The following MTSS1 variants were observed in gnomAD, a reference collection of about 807,000 sequenced individuals.
MTSS1 encodes the protein MTSS I-BAR domain containing 1, also known as protein MTSS 1.
Under a neutral mutation model 79.0 loss-of-function variants are expected in MTSS1, and 18 were observed. That is an observed-to-expected ratio of 0.23 (90% CI 0.16 to 0.34). The LOEUF is 0.34. MTSS1 is among the 10% of genes least tolerant of loss of function. The pLI is 1.00. For missense variants in MTSS1, 815 were observed against 986.2 expected, an observed-to-expected ratio of 0.83 and a Z score of 2.33; for synonymous variants, 341 against 368.6, an observed-to-expected ratio of 0.93 and a Z score of 0.86.
At chr8:124,611,182 C>A (rs1587263949) in intron 3 of MTSS1, among the ~76,000 whole-genome samples, 1 of 151,444 alleles carries the variant, frequency 6.6e-6, no homozygotes, top group Admixed American at 6.6e-5. Context: ...CAGGGCCCTG[C>A]CCATCAATTA....
intron 3 of MTSS1, chr8:124,698,264 G>A (rs377334441): frequency 1.3e-5 from 2 of 152,092 alleles, no homozygotes; most frequent in African/African-American, 2.4e-5. Flanking sequence ...CAGGTGGTTC[G>A]GAGAAACTTT....
rs1822767682 is a variant in MTSS1 at position 124,552,978 on chromosome 8, C to T, written c.*14G>A. ...TGAAACAGTTCATTCCCCACCGGCG[C>T]ATTTCTTGTGAACCTAAGAAAAGCG... is the stretch of plus-strand genomic sequence containing the variant. On this transcript the variant is annotated 3_prime_UTR_variant, in exon 14 of 14. Transcript: ENST00000518547. 1 of 1,606,698 alleles carries T rather than the reference C, an allele frequency of 6.2e-7. No homozygotes were observed.
At chr8:124,697,040 C>T (rs560539405) in intron 3 of MTSS1, among the ~76,000 whole-genome samples, 84 of 152,130 alleles carry the variant, frequency 5.5e-4, no homozygotes, top group Non-Finnish European at 7.2e-4. Context: ...ATTTCCAGGC[C>T]CTGCAGTGTC....
At chr8:124,573,136 G>A (rs1347702572) in intron 6 of MTSS1, among the ~76,000 whole-genome samples, 1 of 152,180 alleles carries the variant, frequency 6.6e-6, no homozygotes, top group Non-Finnish European at 1.5e-5. Flanking sequence ...AACATGGCCT[G>A]CCCTGCAAGG....
In MTSS1 at chr8:124,697,743, C is replaced by T. The variant is rs190666167; in HGVS notation, c.208+1783G>A. Among the ~76,000 whole-genome samples, 28 of 152,274 alleles carry T rather than the reference C, an allele frequency of 1.8e-4. 1 individual carries two copies. The East Asian group carries it at 5.4e-3, about 29-fold the overall frequency. ...AAGTTCTTCTCTACGGTTGTATTTTCTCAAGTTTCTATAACAGACACACAT... is the reference window on the plus strand; with the variant it reads ...AAGTTCTTCTCTACGGTTGTATTTTTTCAAGTTTCTATAACAGACACACAT... On this transcript the variant is annotated intron_variant, in intron 3 of 13. Coordinates refer to ENST00000518547, the MANE Select transcript of MTSS1 (RefSeq NM_014751.6).
At chr8:124,693,871 C>T (rs1828360379) in intron 3 of MTSS1, among the ~76,000 whole-genome samples, 1 of 151,982 alleles carries the variant, frequency 6.6e-6, no homozygotes, top group Admixed American at 6.6e-5. Flanking sequence ...AGAACCAAGG[C>T]AAGATTTTAA....
Position 124,591,335 on chromosome 8 carries a change from TA to T in MTSS1, c.209-101del. On this transcript the variant is annotated intron_variant, in intron 3 of 13. Coordinates refer to ENST00000518547, the MANE Select transcript of MTSS1 (RefSeq NM_014751.6). ...AAACAAGTCAGATTTCACCACATTG[TA>T]AAATATAAGCCACCATCTTTAGAAG... The T allele has an allele frequency of 3.1e-6, 3 of 955,436 alleles. No homozygotes were observed. In the South Asian group the frequency reaches 4.1e-5, roughly 13 times the overall value. The allele number at this position is 955,436 out of a possible 1,614,324, so 59.2% of individuals were successfully genotyped here. A position where few individuals can be genotyped will look rare whatever the true frequency, so the allele number is the denominator to read the frequency against.
intron 13 of MTSS1, among the ~76,000 whole-genome samples, chr8:124,554,012 G>A (rs1163205166): frequency 6.6e-6 from 1 of 152,254 alleles, no homozygotes; most frequent in Non-Finnish European, 1.5e-5. Context: ...GGAGGAATAA[G>A]GGGGATGAAA....
chr8:124,566,486 A>G (rs1826499918), intron 8 of MTSS1, among the ~76,000 whole-genome samples: 1 of 152,216 alleles, frequency 6.6e-6, no homozygotes, highest in African/African-American at 2.4e-5. Context: ...CCAGCATGTG[A>G]TTCATCAGTT....
intron 3 of MTSS1, among the ~76,000 whole-genome samples, chr8:124,644,868 A>G (rs1460300729): frequency 1.3e-5 from 2 of 152,164 alleles, no homozygotes; most frequent in Non-Finnish European, 2.9e-5. Context: ...ATTTGTGTCC[A>G]CCCCTTAAGT....
At chr8:124,709,110 T>C (rs1285044161) in intron 1 of MTSS1, among the ~76,000 whole-genome samples, 1 of 151,964 alleles carries the variant, frequency 6.6e-6, no homozygotes, top group Non-Finnish European at 1.5e-5. Context: ...AGAAGGTAAC[T>C]AGAAAGATTG....
chr8:124,673,774 T>A (rs1824747297), intron 3 of MTSS1, among the ~76,000 whole-genome samples: 1 of 152,228 alleles, frequency 6.6e-6, no homozygotes, highest in Non-Finnish European at 1.5e-5. Flanking sequence ...TTCCTTTCTC[T>A]TTTTTAGAAG....
Position 124,669,292 on chromosome 8 carries a change from G to A in MTSS1, c.208+30234C>T, listed in dbSNP as rs556564973. 3.9e-4 allele frequency among the ~76,000 whole-genome samples: 60 copies of A among 152,338 alleles called. 1 individual carries two copies. The South Asian group carries it at 0.01, about 26-fold the overall frequency. On this transcript the variant is annotated intron_variant, in intron 3 of 13. Transcript: ENST00000518547. ...GCACAGCCTGAGAAACTGTGTAGGT[G>A]TCCACCGTCTCGCTCCGCTGAGATA...
chr8:124,605,563 T>TCGCA (rs1182377360), intron 3 of MTSS1, among the ~76,000 whole-genome samples: 1 of 130,956 alleles, frequency 7.6e-6, no homozygotes, highest in Non-Finnish European at 1.6e-5. Flanking sequence ...CTCCCTGCCC[T>TCGCA]CTCGCTGCCT....
intron 3 of MTSS1, among the ~76,000 whole-genome samples, chr8:124,660,223 T>G (rs1262415186): frequency 6.6e-6 from 1 of 152,098 alleles, no homozygotes; most frequent in Admixed American, 6.6e-5. Context: ...TGAAAAAGCA[T>G]TCGGCAGCCC....
intron 2 of MTSS1, among the ~76,000 whole-genome samples, chr8:124,702,067 T>G (rs1171788924): frequency 6.6e-6 from 1 of 152,236 alleles, no homozygotes; most frequent in Non-Finnish European, 1.5e-5. Flanking sequence ...AATTTTACTT[T>G]ATATGTTTAA....
Position 124,727,629 on chromosome 8 carries a change from C to T in MTSS1, c.72+255G>A. The stretch of plus-strand genomic sequence containing the variant: ...CCCCCGAGGGAAAGAAATGGTGCCG[C>T]CCCCTGGGACAATGAGCGGGGGAGA... On this transcript the variant is annotated intron_variant, in intron 1 of 13. Coordinates refer to ENST00000518547, the MANE Select transcript of MTSS1 (RefSeq NM_014751.6). This position sits in a 1 kb window ranked among gnomAD's most constrained non-coding sequence, Gnocchi z 4.7. 4.7e-6 allele frequency: 3 copies of T among 639,284 alleles called. No homozygotes were observed. Among genetic ancestry groups the T allele is most frequent in the Non-Finnish European group, 8.7e-6 (3 of 344,468 alleles). 39.6% of individuals were successfully genotyped at this position (639,284 alleles called of 1,614,324 possible).
chr8:124,686,606 A>G (rs1827025229), intron 3 of MTSS1, among the ~76,000 whole-genome samples: 2 of 152,238 alleles, frequency 1.3e-5, no homozygotes, highest in East Asian at 1.9e-4. Context: ...GCCCAACAAA[A>G]CCCAAAGAGG....
chr8:124,592,392 A>G (rs1832019857), intron 3 of MTSS1, among the ~76,000 whole-genome samples: 1 of 152,182 alleles, frequency 6.6e-6, no homozygotes, highest in Non-Finnish European at 1.5e-5. Context: ...GAATTTGGGG[A>G]AAAGTGTCAA....
Sources: allele counts gnomAD v4.1 joint callset (sites outside exome capture counted in the v4.1 genomes callset), GRCh38; gene constraint gnomAD v4.1.1; non-coding constraint Gnocchi (gnomAD v3.1); transcripts MANE v1.5; gene names NCBI Gene and HGNC (gene_info 2026-07-23, HGNC 2026-07-21).